Variants in CDH11 observed in about 807,000 individuals in gnomAD.
CDH11 encodes cadherin 11, also known as cadherin-11.
A neutral mutation model predicts 67.8 loss-of-function variants in CDH11; 11 were observed. That is an observed-to-expected ratio of 0.16 (90% confidence interval 0.10 to 0.27). The LOEUF (loss-of-function observed/expected upper bound fraction) is 0.27, where lower values mean the gene tolerates loss of function less well. Ranked by LOEUF, CDH11 falls within the 10% of genes least tolerant of loss-of-function variation. The pLI, the probability that CDH11 is intolerant of heterozygous loss-of-function variation, is 1.00. For synonymous variants in CDH11, 419 were observed against 400.0 expected (o/e 1.05, Z -0.57); for missense variants, 847 against 1,031.2 (o/e 0.82, Z 2.45).
chr16:65,010,510 G>A (rs1420524721), intron 2 of CDH11, among the ~76,000 whole-genome samples: 1 of 152,100 alleles, frequency 6.6e-6, no homozygotes, highest in Non-Finnish European at 1.5e-5. Context: ...CTTGGAGCAA[G>A]GCATAAGCTT....
At chr16:64,948,765 G>A in intron 12 of CDH11, 1 of 1,600,674 alleles carries the variant, frequency 6.2e-7, no homozygotes, top group South Asian at 1.1e-5. Flanking sequence ...TGGGAGAGGG[G>A]GGTTCCATTA....
chr16:65,107,195 G>A (rs889489717), intron 1 of CDH11, among the ~76,000 whole-genome samples: 2 of 152,044 alleles, frequency 1.3e-5, no homozygotes, highest in Admixed American at 6.6e-5. Context: ...GGATCTCTTG[G>A]CTCAAAGCCC....
chr16:64,976,642 G>A (rs1428261277), intron 8 of CDH11, among the ~76,000 whole-genome samples: 1 of 152,128 alleles, frequency 6.6e-6, no homozygotes, highest in Non-Finnish European at 1.5e-5. Flanking sequence ...ATCACCAGAG[G>A]TCAGGAGTTC....
rs1410309653 is a variant in CDH11 at position 65,121,791 on chromosome 16, G to A, written c.-298+89C>T. ...ACCGTCCCCCTCACCACCCCGCCCC[G>A]CCAAGACATTCTCTTCCTGAGAAAA... On this transcript the variant is annotated intron_variant, in intron 1 of 12. Coordinates refer to ENST00000268603, the MANE Select transcript of CDH11 (RefSeq NM_001797.4). The surrounding 1 kb of genome is among the most constrained non-coding windows in gnomAD (Gnocchi z 4.1). 4 of 559,452 alleles carry A rather than the reference G, an allele frequency of 7.1e-6. No individual in the cohort carries two copies. The highest frequency in any genetic ancestry group is 1.3e-5 in the Non-Finnish European group (4 of 298,650). 34.7% of individuals were successfully genotyped at this position (559,452 alleles called of 1,614,324 possible). A position where few individuals can be genotyped will look rare whatever the true frequency, so the allele number is the denominator to read the frequency against.
intron 3 of CDH11, 123 bp from the exon 4 acceptor site, chr16:64,998,979 C>T (rs1365291822): frequency 2.5e-6 from 2 of 796,366 alleles, no homozygotes; most frequent in South Asian, 3.5e-5. Flanking sequence ...ATGTTCTCAT[C>T]TCCATTTTAC....
intron 1 of CDH11, among the ~76,000 whole-genome samples, chr16:65,100,492 A>G (rs1231756226): frequency 2.0e-5 from 3 of 152,160 alleles, no homozygotes; most frequent in African/African-American, 4.8e-5. Context: ...TAATCCCAGC[A>G]CTTTAGAAGG....
intron 1 of CDH11, among the ~76,000 whole-genome samples, chr16:65,067,829 A>G (rs1268790404): frequency 7.3e-6 from 1 of 136,654 alleles, no homozygotes; most frequent in African/African-American, 2.7e-5. Context: ...GGAGAGAGAA[A>G]GGAACAGAGG....
At chr16:65,080,766 GTCATCATTTTGC>G (rs1376555205) in intron 1 of CDH11, among the ~76,000 whole-genome samples, 12 of 152,034 alleles carry the variant, frequency 7.9e-5, no homozygotes, top group Non-Finnish European at 1.5e-4. Flanking sequence ...TTGTTCTTTA[GTCATCATTTTGC>G]TCATGATATT....
chr16:64,975,489 G>C (rs1437614438), intron 8 of CDH11, among the ~76,000 whole-genome samples: 2 of 152,148 alleles, frequency 1.3e-5, no homozygotes, highest in Non-Finnish European at 2.9e-5. Context: ...GTGAAGTACA[G>C]GGGTAACAGA....
At chr16:65,094,707 C>T (rs758484811) in intron 1 of CDH11, 1 of 152,116 alleles carries the variant, frequency 6.6e-6, no homozygotes, top group Non-Finnish European at 1.5e-5. Context: ...TGACTACAAA[C>T]AGAGGACTAT....
At position 64,982,285 on chromosome 16, in the gene CDH11, G is replaced by C. The variant is rs879192410; in HGVS notation, c.1016C>G (p.Thr339Ser). ...TACCTTCAAGCTATAGGCTCTTTTG[G>C]TTTCAAAATCTACAGGCTGGCAAGA... ...IKLKKPVDFE[T>S]KRAYSLKVEA... Residue 339 changes from threonine to serine, a missense_variant, in exon 8 of 13, where the codon ACC (threonine) becomes AGC (serine). By Grantham distance (58) the Thr-to-Ser change is moderately conservative (BLOSUM62 1). Coordinates refer to ENST00000268603, the MANE Select transcript of CDH11 (RefSeq NM_001797.4). The C allele has an allele frequency of 8.1e-6, 13 of 1,612,164 alleles. No individual in the cohort carries two copies. Among genetic ancestry groups the C allele is most frequent in the Admixed American group, 1.7e-5 (1 of 59,836 alleles).
chr16:64,965,205 CAAAAAAAAAAAAAAAAA>C (rs71143537), intron 11 of CDH11, among the ~76,000 whole-genome samples: 1 of 56,958 alleles, frequency 1.8e-5, no homozygotes, highest in Non-Finnish European at 2.8e-5. Context: ...CTAAAAATAC[CAAAAAAAAAAAAAAAAA>C]AAAAAAAAAA....
At chr16:65,032,222 C>T (rs1312968256) in intron 2 of CDH11, among the ~76,000 whole-genome samples, 4 of 151,452 alleles carry the variant, frequency 2.6e-5, no homozygotes, top group Non-Finnish European at 1.5e-5. Context: ...CACCGTGGTT[C>T]ATGCCTGTAA....
intron 7 of CDH11, chr16:64,983,373 G>A (rs1189410469): frequency 2.0e-5 from 3 of 152,132 alleles, no homozygotes; most frequent in East Asian, 1.9e-4. Context: ...AAACAAGCCC[G>A]GCTGCCTGGG....
chr16:64,972,146 G>A (rs1040734451), intron 9 of CDH11, 82 bp from the exon 10 acceptor site: 53 of 1,282,202 alleles, frequency 4.1e-5, no homozygotes, highest in Non-Finnish European at 5.7e-5. Flanking sequence ...GAAAGAGTAA[G>A]CTCCAGCCAC....
intron 11 of CDH11, among the ~76,000 whole-genome samples, chr16:64,964,356 C>A (rs767881490): frequency 1.3e-5 from 2 of 151,964 alleles, no homozygotes; most frequent in African/African-American, 2.4e-5. Context: ...AACACAGGAG[C>A]AAATATTTGT....
intron 3 of CDH11, among the ~76,000 whole-genome samples, chr16:64,999,428 C>A (rs2142513086): frequency 6.6e-6 from 1 of 152,308 alleles, no homozygotes; most frequent in African/African-American, 2.4e-5. Context: ...TTCACTTCAT[C>A]CTTTTCCTCT....
intron 11 of CDH11, among the ~76,000 whole-genome samples, chr16:64,960,847 A>G (rs1023710672): frequency 6.6e-6 from 1 of 151,984 alleles, no homozygotes; most frequent in Non-Finnish European, 1.5e-5. Flanking sequence ...AGAGAGAGAG[A>G]GGCATTGTCC....
At position 64,947,362 on chromosome 16, in the gene CDH11, T is replaced by A. The variant is rs2071220896; in HGVS notation, c.*241A>T. 7.9e-7 allele frequency: 1 copy of A among 1,265,946 alleles called. No individual in the cohort carries two copies. Among genetic ancestry groups the A allele is most frequent in the Non-Finnish European group, 1.0e-6 (1 of 1,003,500 alleles). The allele number at this position is 1,265,946 out of a possible 1,614,324, so 78.4% of individuals were successfully genotyped here. A position where few individuals can be genotyped will look rare whatever the true frequency, so the allele number is the denominator to read the frequency against. On this transcript the variant is annotated 3_prime_UTR_variant, in exon 13 of 13. Coordinates refer to ENST00000268603, the MANE Select transcript of CDH11 (RefSeq NM_001797.4). ...TCACTTAAATATTTTGTATGCCAAG[T>A]GTTTTTTTTTTCTAGCGAAGTTGAT...
Sources: allele counts gnomAD v4.1 joint callset (sites outside exome capture counted in the v4.1 genomes callset), GRCh38; gene constraint gnomAD v4.1.1; non-coding constraint Gnocchi (gnomAD v3.1); transcripts MANE v1.5; gene names NCBI Gene and HGNC (gene_info 2026-07-23, HGNC 2026-07-21).